Variants in HS2ST1 observed in about 807,000 individuals in gnomAD.
HS2ST1 encodes 2-O-sulfotransferase.
In HS2ST1, 18 loss-of-function variants were observed where a neutral mutation model predicts 42.9. The observed-to-expected ratio is 0.42, with a 90% CI of 0.29 to 0.62. The LOEUF (loss-of-function observed/expected upper bound fraction) is 0.62. HS2ST1 is among the 20% of genes least tolerant of loss of function. The probability of loss-of-function intolerance (pLI) is 0.21; values close to 1 mark genes in which losing one functional copy is unlikely to be tolerated. For synonymous variants in HS2ST1, 146 were observed against 152.9 expected, an observed-to-expected ratio of 0.95 and a Z score of 0.33; for missense variants, 334 against 433.8, an observed-to-expected ratio of 0.77 and a Z score of 2.04.
rs376518413 is a variant in HS2ST1, at chr1:86,985,451, TAC to T, written c.124+70297_124+70298del. 1.7e-3 allele frequency among the ~76,000 whole-genome samples: 91 copies of T among 52,852 alleles called. 2 individuals carry two copies. Among genetic ancestry groups the T allele is most frequent in the African/African-American group, 3.9e-3 (85 of 21,684 alleles). 34.7% of individuals were successfully genotyped at this position (52,852 alleles called of 152,430 possible). ...ATATACACACATATATACACATATA[TAC>T]ACACATATATACACATATATACACA... On this transcript the variant is annotated intron_variant, in intron 1 of 6. Transcript: ENST00000370550.
intron 1 of HS2ST1, chr1:86,932,049 CAAGCATGAGCCACTGTGCACAGCTA>C (rs1184855855): frequency 6.6e-6 from 1 of 151,974 alleles, no homozygotes; most frequent in Non-Finnish European, 1.5e-5. Flanking sequence ...GTTGGGATTA[CAAGCATGAGCCACTGTGCACAGCTA>C]GATAGCTAAG....
chr1:86,940,268 G>C (rs1485782638), intron 1 of HS2ST1, among the ~76,000 whole-genome samples: 1 of 152,116 alleles, frequency 6.6e-6, no homozygotes, highest in African/African-American at 2.4e-5. Flanking sequence ...CAGTTACTCA[G>C]GAGACTGAGG....
intron 1 of HS2ST1, among the ~76,000 whole-genome samples, chr1:87,070,435 A>G (rs1172456973): frequency 6.6e-6 from 1 of 152,068 alleles, no homozygotes; most frequent in East Asian, 1.9e-4. Flanking sequence ...TACAAAAAAT[A>G]CAAAAATTAG....
intron 1 of HS2ST1, among the ~76,000 whole-genome samples, chr1:86,917,843 C>T (rs912672846): frequency 6.6e-6 from 1 of 152,138 alleles, no homozygotes; most frequent in Non-Finnish European, 1.5e-5. Context: ...TTTAATGTAA[C>T]GTCTGCCCCT....
chr1:87,006,239 A>G (rs1389833937), intron 1 of HS2ST1, among the ~76,000 whole-genome samples: 3 of 152,146 alleles, frequency 2.0e-5, no homozygotes, highest in Non-Finnish European at 2.9e-5. Context: ...TAGTGAATTA[A>G]TGAAACAATT....
intron 1 of HS2ST1, among the ~76,000 whole-genome samples, chr1:86,934,219 G>C (rs2102167823): frequency 6.6e-6 from 1 of 152,294 alleles, no homozygotes; most frequent in African/African-American, 2.4e-5. Flanking sequence ...TCGGATGAGG[G>C]GAGGCTACTG....
intron 1 of HS2ST1, among the ~76,000 whole-genome samples, chr1:86,930,442 A>G (rs1019513990): frequency 9.2e-5 from 14 of 151,834 alleles, no homozygotes; most frequent in African/African-American, 3.1e-4. Flanking sequence ...ATTTCACCTA[A>G]CCTTCCTCTA....
chr1:86,996,960 G>C (rs1370841976), intron 1 of HS2ST1, among the ~76,000 whole-genome samples: 2 of 151,840 alleles, frequency 1.3e-5, no homozygotes, highest in East Asian at 3.9e-4. Flanking sequence ...ATAAACGTTA[G>C]GCCATATATA....
chr1:87,045,402 C>G, intron 1 of HS2ST1: 2 of 1,458,746 alleles, frequency 1.4e-6, no homozygotes, highest in Non-Finnish European at 1.9e-6. Context: ...CCTTTCCCAT[C>G]TTCAATTTGG....
intron 1 of HS2ST1, among the ~76,000 whole-genome samples, chr1:87,072,566 A>C (rs1304415559): frequency 6.6e-6 from 1 of 152,206 alleles, no homozygotes; most frequent in African/African-American, 2.4e-5. Flanking sequence ...TTTGAACTGC[A>C]CTGAAGTACT....
intron 1 of HS2ST1, among the ~76,000 whole-genome samples, chr1:87,052,833 A>G (rs1228867017): frequency 1.3e-5 from 2 of 152,224 alleles, no homozygotes; most frequent in East Asian, 3.8e-4. Flanking sequence ...AATATTCTAT[A>G]TCTGTCTTCT....
At chr1:86,944,855 CAA>C (rs1301757895) in intron 1 of HS2ST1, among the ~76,000 whole-genome samples, 1 of 151,622 alleles carries the variant, frequency 6.6e-6, no homozygotes, top group Non-Finnish European at 1.5e-5. Context: ...TAAGTCAACT[CAA>C]ATTGTCATGA....
At chr1:87,095,428 G>A (rs972890603) in intron 4 of HS2ST1, among the ~76,000 whole-genome samples, 1 of 152,134 alleles carries the variant, frequency 6.6e-6, no homozygotes, top group Non-Finnish European at 1.5e-5. Flanking sequence ...AATCTGAACT[G>A]CTCCGTGGTT....
chr1:86,975,344 A>C (rs1195745526), intron 1 of HS2ST1, among the ~76,000 whole-genome samples: 3 of 151,178 alleles, frequency 2.0e-5, no homozygotes, highest in African/African-American at 2.4e-5. Flanking sequence ...GTTGTAATTT[A>C]TAGTGCTCAA....
rs1253176126 is a variant in HS2ST1 at position 87,106,124 on chromosome 1, A to G, written c.*1428A>G. The G allele has an allele frequency of 1.3e-5, 2 of 152,518 alleles. No homozygotes were observed. The highest frequency in any genetic ancestry group is 2.9e-5 in the Non-Finnish European group (2 of 67,944). 9.4% of individuals were successfully genotyped at this position (152,518 alleles called of 1,614,324 possible). ...GGTATTATAGAAACATCTTTAACAT[A>G]TAGTTTCATACCATTCATTTTTTAA... On this transcript the variant is annotated 3_prime_UTR_variant, in exon 7 of 7. Transcript: ENST00000370550.
intron 1 of HS2ST1, among the ~76,000 whole-genome samples, chr1:87,054,355 T>A (rs1372052778): frequency 3.3e-5 from 5 of 152,152 alleles, no homozygotes; most frequent in African/African-American, 1.2e-4. Context: ...AAGAATCTGC[T>A]TGGTTACTTC....
At chr1:86,973,341 A>G (rs986042563) in intron 1 of HS2ST1, among the ~76,000 whole-genome samples, 1 of 151,926 alleles carries the variant, frequency 6.6e-6, no homozygotes, top group African/African-American at 2.4e-5. Context: ...TTATCATTCA[A>G]TGATCAAGTA....
chr1:87,030,186 A>G (rs1557521158), intron 1 of HS2ST1, among the ~76,000 whole-genome samples: 1 of 152,296 alleles, frequency 6.6e-6, no homozygotes, highest in East Asian at 1.9e-4. Flanking sequence ...TGTGCGTTAA[A>G]TTAGGAGAAA....
At chr1:87,028,969 A>G (rs914484565) in intron 1 of HS2ST1, among the ~76,000 whole-genome samples, 3 of 152,178 alleles carry the variant, frequency 2.0e-5, no homozygotes, top group Admixed American at 6.5e-5. Flanking sequence ...CCTGGTTGAA[A>G]TAACCAGATG....
Sources: allele counts gnomAD v4.1 joint callset (sites outside exome capture counted in the v4.1 genomes callset), GRCh38; gene constraint gnomAD v4.1.1; transcripts MANE v1.5; gene names NCBI Gene and HGNC (gene_info 2026-07-23, HGNC 2026-07-21).